Variants in ARHGEF18 observed in about 807,000 individuals in gnomAD.
The protein encoded by ARHGEF18 is rho guanine nucleotide exchange factor 18.
In ARHGEF18, 93 loss-of-function variants were observed where a neutral mutation model predicts 155.7. That is an observed-to-expected ratio of 0.60 (90% CI 0.50 to 0.71). The LOEUF (loss-of-function observed/expected upper bound fraction) is 0.71, where lower values mean the gene tolerates loss of function less well. Ranked by LOEUF, ARHGEF18 falls within the 30% of genes least tolerant of loss-of-function variation. ARHGEF18 has a pLI of 0.00. For missense variants in ARHGEF18, 1,593 were observed against 1,816.1 expected (o/e 0.88, Z 2.23); for synonymous variants, 742 against 753.1 (o/e 0.99, Z 0.24).
chr19:7,450,764 C>G, intron 15 of ARHGEF18, among the ~76,000 whole-genome samples: 1 of 152,286 alleles, frequency 6.6e-6, no homozygotes, highest in Non-Finnish European at 1.5e-5. Flanking sequence ...ATCTTGCTGT[C>G]CGTTTCCACG....
chr19:7,477,195 G>T, downstream of ARHGEF18: 1 of 1,469,220 alleles, frequency 6.8e-7, no homozygotes, highest in Non-Finnish European at 9.0e-7. Flanking sequence ...GTGCTCTTCC[G>T]GCAGTGTCAG....
rs1971613609 is a variant in ARHGEF18, at chr19:7,395,077, C to T, written c.967+11874C>T. 4.1e-6 allele frequency: 4 copies of T among 985,502 alleles called. No homozygotes were observed. Among genetic ancestry groups the T allele is most frequent in the East Asian group, 1.1e-4 (1 of 8,804 alleles). 61.0% of individuals were successfully genotyped at this position (985,502 alleles called of 1,614,324 possible). On this transcript the variant is annotated intron_variant, in intron 10 of 28. Transcript: ENST00000668164. The surrounding 1 kb of genome is among the most constrained non-coding windows in gnomAD (Gnocchi z 5.0). ...CTCCTTCCGGGTCACGCCCTCTGCC[C>T]CGCCTCCGAGGCGGGATCGCGCATG...
At chr19:7,464,237 C>T (rs1976476919) in intron 22 of ARHGEF18, among the ~76,000 whole-genome samples, 1 of 152,114 alleles carries the variant, frequency 6.6e-6, no homozygotes. Flanking sequence ...GGGGTTTCAC[C>T]ATGTTGGCCA....
At chr19:7,359,530 C>T (rs558921409) in intron 1 of ARHGEF18, among the ~76,000 whole-genome samples, 1 of 152,030 alleles carries the variant, frequency 6.6e-6, no homozygotes, top group East Asian at 1.9e-4. Flanking sequence ...ACTATGACAC[C>T]AGGATTAGGG....
At position 7,469,050 on chromosome 19, in the gene ARHGEF18, C is replaced by T; in HGVS notation, c.3706C>T (p.Pro1236Ser). The T allele has an allele frequency of 6.2e-7, 1 of 1,606,840 alleles. No individual in the cohort carries two copies. Among genetic ancestry groups the T allele is most frequent in the Admixed American group, 1.7e-5 (1 of 59,352 alleles). The change falls in exon 27 of 29, where the codon CCC becomes TCC. Residue 1236 changes from proline to serine, a missense_variant. Pro to Ser is a moderately conservative substitution (Grantham distance 74). Transcript: ENST00000668164. ...GCAGGCGGCCGTGCAGCAGCAGATC[C>T]CCACCAAGCTGGCGGCCTCCACCAA... Reference protein sequence around the residue: ...QRQAAVQQQIPTKLAASTKGG... With the variant: ...QRQAAVQQQISTKLAASTKGG...
chr19:7,359,476 A>G, intron 1 of ARHGEF18, among the ~76,000 whole-genome samples: 1 of 146,406 alleles, frequency 6.8e-6, no homozygotes, highest in East Asian at 1.9e-4. Flanking sequence ...AGTCTATGAC[A>G]CCAGGATTGG....
rs770372414 is a variant in ARHGEF18 at position 7,442,116 on chromosome 19, T to TCCTC, written c.1360+72_1360+75dup. 2.7e-3 allele frequency: 4,143 copies of TCCTC among 1,530,056 alleles called. 25 individuals are homozygous for TCCTC. Among genetic ancestry groups the TCCTC allele is most frequent in the Admixed American group, 3.4e-3 (188 of 55,390 alleles). 94.8% of individuals were successfully genotyped at this position (1,530,056 alleles called of 1,614,324 possible). ...CCACTCTCTTCTCTGCTCCCTCCCTTCCTCCCTCCCTTCCTTCCTTCCTTC... is the reference window on the plus strand; with the variant it reads ...CCACTCTCTTCTCTGCTCCCTCCCTTCCTCCCTCCCTCCCTTCCTTCCTTCCTTC... On this transcript the variant is annotated intron_variant, in intron 13 of 28. Coordinates refer to ENST00000668164, the MANE Select transcript of ARHGEF18 (RefSeq NM_001367823.1).
intron 14 of ARHGEF18, among the ~76,000 whole-genome samples, chr19:7,446,174 G>A (rs1600472256): frequency 6.6e-6 from 1 of 152,176 alleles, no homozygotes; most frequent in Non-Finnish European, 1.5e-5. Context: ...GAGTGGGGGT[G>A]GATCACTTGA....
At chr19:7,425,405 C>T (rs140504689) in intron 10 of ARHGEF18, among the ~76,000 whole-genome samples, 84 of 152,226 alleles carry the variant, frequency 5.5e-4, no homozygotes, top group East Asian at 7.7e-4. Flanking sequence ...AAGAATGGGC[C>T]GGGCACAGTG....
At chr19:7,461,858 G>A (rs1976286455) in intron 20 of ARHGEF18, among the ~76,000 whole-genome samples, 1 of 152,098 alleles carries the variant, frequency 6.6e-6, no homozygotes, top group South Asian at 2.1e-4. Flanking sequence ...TCATTATGTT[G>A]TCCAGGCTGG....
chr19:7,357,119 CAAG>C (rs1969338001), intron 1 of ARHGEF18, among the ~76,000 whole-genome samples: 3 of 152,266 alleles, frequency 2.0e-5, no homozygotes, highest in Admixed American at 6.5e-5. Flanking sequence ...GGTCACACAG[CAAG>C]TATATGCTGG....
intron 19 of ARHGEF18, among the ~76,000 whole-genome samples, chr19:7,459,483 G>T (rs1467233074): frequency 6.6e-6 from 1 of 151,576 alleles, no homozygotes; most frequent in African/African-American, 2.4e-5. Flanking sequence ...GCCTCCCAAA[G>T]TGTTGGGATT....
Position 7,440,195 on chromosome 19 carries a change from G to A in ARHGEF18, c.968-149G>A, listed in dbSNP as rs1256577757. The A allele has an allele frequency of 1.3e-6, 2 of 1,551,452 alleles. No homozygotes were observed. Among genetic ancestry groups the A allele is most frequent in the African/African-American group, 2.7e-5 (2 of 73,046 alleles). ...TTTACGGCTCTTTCCCCAGGAAATG[G>A]AGCGAGAACGTCTTCTTGGATAACG... On this transcript the variant is annotated intron_variant, in intron 10 of 28. Transcript: ENST00000668164. This position sits in a 1 kb window ranked among gnomAD's most constrained non-coding sequence, Gnocchi z 5.4.
At position 7,469,145 on chromosome 19, in the gene ARHGEF18, A is replaced by G. The variant is rs2145919942; in HGVS notation, c.3787+14A>G. 6.4e-7 allele frequency: 1 copy of G among 1,571,252 alleles called. No individual in the cohort carries two copies. On this transcript the variant is annotated intron_variant, in intron 27 of 28. Transcript: ENST00000668164. ...GGGAGAGCTCAGGTGAGCCGGCCCC[A>G]CCCCTTCGCCTGGGCCTGGAAGGTG...
chr19:7,399,818 G>C (rs1327770561), intron 10 of ARHGEF18, among the ~76,000 whole-genome samples: 1 of 150,860 alleles, frequency 6.6e-6, no homozygotes, highest in Non-Finnish European at 1.5e-5. Flanking sequence ...TATCACCTGG[G>C]CTGGAGAGCA....
chr19:7,437,699 G>A (rs559527915), intron 10 of ARHGEF18, among the ~76,000 whole-genome samples: 75 of 149,244 alleles, frequency 5.0e-4, no homozygotes, highest in African/African-American at 1.6e-3. Flanking sequence ...GCTGGAGTGC[G>A]GTGGCATGAT....
chr19:7,382,087 G>C (rs555354312), intron 8 of ARHGEF18, among the ~76,000 whole-genome samples: 11 of 152,196 alleles, frequency 7.2e-5, no homozygotes, highest in South Asian at 6.2e-4. Context: ...AGTTTGGGGT[G>C]GGGGAGGAGA....
chr19:7,474,513 G>T (rs1337308431), downstream of ARHGEF18, among the ~76,000 whole-genome samples: 1 of 151,870 alleles, frequency 6.6e-6, no homozygotes, highest in African/African-American at 2.4e-5. Flanking sequence ...CGAGTAGCTG[G>T]GATTACAGGC....
intron 10 of ARHGEF18, among the ~76,000 whole-genome samples, chr19:7,424,254 G>A (rs757765741): frequency 1.3e-5 from 2 of 152,026 alleles, no homozygotes; most frequent in Non-Finnish European, 2.9e-5. Flanking sequence ...TCGAACTCCC[G>A]ACCTCAGGTG....
Sources: gnomAD v4.1 joint callset for allele counts (sites outside exome capture counted in the v4.1 genomes callset) on GRCh38, gnomAD v4.1.1 for gene constraint, Gnocchi (gnomAD v3.1) non-coding constraint, MANE v1.5 for transcripts, NCBI Gene and HGNC (gene_info 2026-07-23, HGNC 2026-07-21) for gene names.